The following COL24A1 variants were observed in gnomAD, a reference collection of about 807,000 sequenced individuals.
COL24A1 encodes collagen type XXIV alpha 1 chain.
COL24A1 carries 224 observed loss-of-function variants against 253.9 expected under a neutral mutation model. That is an observed-to-expected ratio of 0.88 (90% CI 0.79 to 0.99). COL24A1 has a LOEUF of 0.99. Among genes scored for constraint, COL24A1 ranks in the 50% least tolerant of loss-of-function variants. COL24A1 has a pLI of 0.00. For missense variants in COL24A1, 2,131 were observed against 2,068.5 expected (o/e 1.03, Z -0.59); for synonymous variants, 685 against 673.7 (o/e 1.02, Z -0.26).
rs146244442 is a variant in COL24A1, at chr1:86,000,883, ACCAT to A, written c.2311-13233_2311-13230del. Among the ~76,000 whole-genome samples the A allele has an allele frequency of 2.9e-4, 44 of 152,292 alleles. 3 individuals carry two copies. The East Asian group carries it at 8.3e-3, about 29-fold the overall frequency. ...AATAGCTGAATCAACAAACATTCCA[ACCAT>A]CCTGCTACCATATAAGAAGGTGCTC... On this transcript the variant is annotated intron_variant, in intron 19 of 59. Coordinates refer to ENST00000370571, the MANE Select transcript of COL24A1 (RefSeq NM_152890.7).
chr1:85,831,260 A>T (rs1246018845), intron 43 of COL24A1, among the ~76,000 whole-genome samples: 2 of 152,092 alleles, frequency 1.3e-5, no homozygotes, highest in Non-Finnish European at 2.9e-5. Context: ...ATCAAACAGG[A>T]TTCAGGAAAG....
chr1:86,124,841 T>G lies in COL24A1; in HGVS notation c.1491+4A>C, dbSNP rs762789653. 1.8e-5 allele frequency: 27 copies of G among 1,515,882 alleles called. No homozygotes were observed. The highest frequency in any genetic ancestry group is 1.3e-5 in the South Asian group (1 of 74,842). The allele number at this position is 1,515,882 out of a possible 1,614,324, so 93.9% of individuals were successfully genotyped here. A position where few individuals can be genotyped will look rare whatever the true frequency, so the allele number is the denominator to read the frequency against. ...TAGGAGATATTAAAAAAAAAAAAAC[T>G]TACGGGAGGTCCAGTGTCTCCTTTT... is the stretch of plus-strand genomic sequence containing the variant. On this transcript the variant is annotated splice_donor_region_variant and intron_variant, in intron 3 of 59. Coordinates refer to ENST00000370571, the MANE Select transcript of COL24A1 (RefSeq NM_152890.7).
intron 47 of COL24A1, among the ~76,000 whole-genome samples, chr1:85,812,386 G>T (rs1307033297): frequency 6.6e-6 from 1 of 152,186 alleles, no homozygotes; most frequent in Admixed American, 6.5e-5. Flanking sequence ...GGATAGATCT[G>T]CATTGATTGT....
At chr1:86,105,383 C>T (rs776740370) in intron 5 of COL24A1, among the ~76,000 whole-genome samples, 7 of 152,298 alleles carry the variant, frequency 4.6e-5, no homozygotes, top group African/African-American at 7.2e-5. Context: ...TCAGCTGTTG[C>T]GTGTCCAGAG....
intron 3 of COL24A1, among the ~76,000 whole-genome samples, chr1:86,118,680 G>T (rs947026871): frequency 3.3e-5 from 5 of 152,098 alleles, no homozygotes; most frequent in Non-Finnish European, 5.9e-5. Flanking sequence ...AAAAGAAAAG[G>T]CAACCAAGAA....
chr1:85,941,140 A>G (rs1204617275), intron 24 of COL24A1, among the ~76,000 whole-genome samples: 1 of 152,220 alleles, frequency 6.6e-6, no homozygotes, highest in Non-Finnish European at 1.5e-5. Context: ...AATAACTAGC[A>G]GGAATGTTAA....
At chr1:85,844,412 G>T (rs938520994) in intron 39 of COL24A1, among the ~76,000 whole-genome samples, 2 of 151,912 alleles carry the variant, frequency 1.3e-5, no homozygotes, top group African/African-American at 4.8e-5. Context: ...TGGCCAAAGT[G>T]GCACTCAAAA....
chr1:85,996,016 G>A (rs1161195485), intron 19 of COL24A1, among the ~76,000 whole-genome samples: 1 of 152,122 alleles, frequency 6.6e-6, no homozygotes, highest in East Asian at 1.9e-4. Context: ...AGCAGTGCGA[G>A]AATGGATGAA....
intron 7 of COL24A1, among the ~76,000 whole-genome samples, chr1:86,078,579 A>G (rs1702418262): frequency 6.6e-6 from 1 of 152,212 alleles, no homozygotes; most frequent in African/African-American, 2.4e-5. Context: ...CCAACAAAAC[A>G]AAACCTATTA....
At chr1:85,858,643 C>CCTTCCTTCCTTCCTTCCTTT (rs1678759712) in intron 37 of COL24A1, among the ~76,000 whole-genome samples, 4 of 148,260 alleles carry the variant, frequency 2.7e-5, no homozygotes, top group Admixed American at 1.3e-4. Flanking sequence ...TTCCTTCCTT[C>CCTTCCTTCCTTCCTTCCTTT]CTTCCTTCCT....
At chr1:85,790,660 C>T (rs202097579) in intron 47 of COL24A1, among the ~76,000 whole-genome samples, 10 of 18,494 alleles carry the variant, frequency 5.4e-4, no homozygotes, top group Non-Finnish European at 4.2e-3. Context: ...CTTTATTTTA[C>T]GTATTACCAG....
chr1:86,134,520 A>C (rs2102338443), intron 2 of COL24A1, among the ~76,000 whole-genome samples: 1 of 143,278 alleles, frequency 7.0e-6, no homozygotes, highest in South Asian at 2.4e-4. Context: ...ACTGCTTTGA[A>C]TGTGTCCCAG....
At chr1:85,969,747 G>A (rs1691959054) in intron 22 of COL24A1, among the ~76,000 whole-genome samples, 1 of 150,836 alleles carries the variant, frequency 6.6e-6, no homozygotes, top group Admixed American at 6.6e-5. Flanking sequence ...ATTTCATAAG[G>A]TAAACTTTGA....
At chr1:86,139,759 A>G (rs1343511911) in intron 2 of COL24A1, among the ~76,000 whole-genome samples, 1 of 152,196 alleles carries the variant, frequency 6.6e-6, no homozygotes, top group Non-Finnish European at 1.5e-5. Flanking sequence ...GTAGGAAAGA[A>G]CAAATATGAC....
intron 47 of COL24A1, among the ~76,000 whole-genome samples, chr1:85,798,811 T>C (rs983660312): frequency 2.0e-5 from 3 of 152,232 alleles, no homozygotes; most frequent in African/African-American, 7.2e-5. Context: ...AGGCCTTGAT[T>C]TGTCCTTAGT....
chr1:86,146,941 C>T (rs1328427383), intron 1 of COL24A1, among the ~76,000 whole-genome samples: 2 of 152,010 alleles, frequency 1.3e-5, no homozygotes, highest in Non-Finnish European at 2.9e-5. Context: ...GCTGTATCTA[C>T]CTCCAAAATG....
chr1:85,896,923 A>G (rs1342161680), intron 28 of COL24A1, among the ~76,000 whole-genome samples: 3 of 152,224 alleles, frequency 2.0e-5, no homozygotes, highest in Non-Finnish European at 2.9e-5. Flanking sequence ...AGTAAGTCAA[A>G]TGAGCACAAA....
chr1:86,083,251 T>TCG (rs1702801561), intron 7 of COL24A1, among the ~76,000 whole-genome samples: 6 of 151,696 alleles, frequency 4.0e-5, no homozygotes, highest in Non-Finnish European at 7.4e-5. Context: ...TGAGCCGAGA[T>TCG]TGCACCACTG....
intron 24 of COL24A1, among the ~76,000 whole-genome samples, chr1:85,953,215 A>T (rs1690094997): frequency 1.3e-5 from 2 of 152,200 alleles, no homozygotes; most frequent in Non-Finnish European, 2.9e-5. Flanking sequence ...CTTCAGGGGA[A>T]GTCCCTTGAC....
Sources: allele counts gnomAD v4.1 joint callset (sites outside exome capture counted in the v4.1 genomes callset), GRCh38; gene constraint gnomAD v4.1.1; transcripts MANE v1.5; gene names NCBI Gene and HGNC (gene_info 2026-07-23, HGNC 2026-07-21).